The following PRSS3 variants were observed in gnomAD, a reference collection of about 807,000 sequenced individuals.
The protein encoded by PRSS3 is trypsin-3.
Under a neutral mutation model 20.8 loss-of-function variants are expected in PRSS3, and 14 were observed. That is an observed-to-expected ratio of 0.67 (90% CI 0.44 to 1.05). The LOEUF is 1.05. PRSS3 is among the 50% of genes least tolerant of loss of function. PRSS3 has a pLI of 0.00. For synonymous variants in PRSS3, 91 were observed against 117.6 expected (o/e 0.77, Z 1.46); for missense variants, 237 against 306.4 (o/e 0.77, Z 1.69).
intron 1 of PRSS3, among the ~76,000 whole-genome samples, chr9:33,772,535 A>T (rs541151998): frequency 2.0e-5 from 3 of 152,262 alleles, no homozygotes; most frequent in South Asian, 4.2e-4. Context: ...GATACAAAGA[A>T]TTTTAATTAT....
upstream of PRSS3, chr9:33,795,546 C>A (rs944164960): frequency 6.2e-7 from 1 of 1,613,852 alleles, no homozygotes; most frequent in South Asian, 1.1e-5. Context: ...ACAGGCCTTC[C>A]ACCACCAGTC....
At chr9:33,766,110 TA>T (rs1203074513) in intron 1 of PRSS3, among the ~76,000 whole-genome samples, 2 of 150,398 alleles carry the variant, frequency 1.3e-5, no homozygotes, top group African/African-American at 4.9e-5. Flanking sequence ...ACTATAAATA[TA>T]AAAATTAACC....
intron 1 of PRSS3, among the ~76,000 whole-genome samples, chr9:33,755,809 C>A (rs922758068): frequency 6.6e-6 from 1 of 152,096 alleles, no homozygotes; most frequent in Non-Finnish European, 1.5e-5. Flanking sequence ...TTGCATGGAG[C>A]TGTTGAGTGG....
intron 1 of PRSS3, among the ~76,000 whole-genome samples, chr9:33,766,262 T>TAAA (rs1823410222): frequency 1.1e-4 from 1 of 9,258 alleles, no homozygotes; most frequent in Non-Finnish European, 1.9e-4. Flanking sequence ...AGATTCCGTC[T>TAAA]CAAAAAAAAA....
chr9:33,789,685 A>G (rs1824550963), intron 1 of PRSS3, among the ~76,000 whole-genome samples: 1 of 152,128 alleles, frequency 6.6e-6, no homozygotes, highest in Non-Finnish European at 1.5e-5. Flanking sequence ...GTGCTAGCTT[A>G]CCTTCCTGCT....
chr9:33,798,116 C>A lies in PRSS3; in HGVS notation c.454+34C>A, dbSNP rs754866839. The A allele has an allele frequency of 8.1e-6, 13 of 1,614,022 alleles. No individual in the cohort carries two copies. In the African/African-American group the frequency reaches 1.6e-4, roughly 20 times the overall value. ...GACCCTTTGTCCTTCTACTTCCCCC[C>A]ATCCTCACAATTTCCAGAACGAAGC... On this transcript the variant is annotated intron_variant, in intron 3 of 4. Coordinates refer to ENST00000379405, the MANE Select transcript of PRSS3 (RefSeq NM_002771.4).
chr9:33,783,591 C>T lies in PRSS3; in HGVS notation c.-52-11155C>T, dbSNP rs780914920. ...GCTTCTATAGATGTTTGAAAATTCT[C>T]ATAATAAAATGGAAAATAATGGCAC... On this transcript the variant is annotated intron_variant, in intron 1 of 5. Coordinates refer to the PRSS3 transcript ENST00000342836. 3.9e-5 allele frequency among the ~76,000 whole-genome samples: 6 copies of T among 152,080 alleles called. No homozygotes were observed. The South Asian group carries it at 1.2e-3, about 31-fold the overall frequency.
At chr9:33,771,914 C>G (rs1184744121) in intron 1 of PRSS3, among the ~76,000 whole-genome samples, 1 of 148,252 alleles carries the variant, frequency 6.7e-6, no homozygotes, top group Non-Finnish European at 1.5e-5. Flanking sequence ...CTTTATCACC[C>G]AGGCTATAGT....
At chr9:33,786,932 A>G (rs1824437636) in intron 1 of PRSS3, 2 of 598,600 alleles carry the variant, frequency 3.3e-6, no homozygotes, top group Non-Finnish European at 6.0e-6. Context: ...GGGACAGAAG[A>G]GGAAACCACA....
At chr9:33,788,296 C>A (rs1824493689) in intron 1 of PRSS3, among the ~76,000 whole-genome samples, 1 of 152,224 alleles carries the variant, frequency 6.6e-6, no homozygotes, top group South Asian at 2.1e-4. Flanking sequence ...CATACTCTTA[C>A]CAGCCAACGA....
intron 1 of PRSS3, among the ~76,000 whole-genome samples, chr9:33,787,144 T>G (rs964022526): frequency 3.9e-5 from 6 of 152,212 alleles, no homozygotes; most frequent in Non-Finnish European, 5.9e-5. Flanking sequence ...AGATACAGTT[T>G]CCTTCAAGTG....
At chr9:33,772,636 C>T (rs1823759461) in intron 1 of PRSS3, among the ~76,000 whole-genome samples, 1 of 152,066 alleles carries the variant, frequency 6.6e-6, no homozygotes, top group African/African-American at 2.4e-5. Context: ...CATGAAAAAC[C>T]TTCTAGGACA....
chr9:33,796,889 T>C (rs1824982809), intron 2 of PRSS3, 87 bp downstream of exon 2: 1 of 1,608,502 alleles, frequency 6.2e-7, no homozygotes, highest in African/African-American at 1.3e-5. Context: ...TGAGGTTGGG[T>C]AAGACGGATG....
At chr9:33,773,461 A>G (rs1239319530) in intron 1 of PRSS3, among the ~76,000 whole-genome samples, 1 of 152,218 alleles carries the variant, frequency 6.6e-6, no homozygotes. Context: ...TGAAAAAGCT[A>G]TGCATCTATG....
intron 1 of PRSS3, among the ~76,000 whole-genome samples, chr9:33,759,096 G>C (rs971103794): frequency 1.3e-5 from 2 of 152,122 alleles, no homozygotes; most frequent in Admixed American, 6.5e-5. Flanking sequence ...AACCAAGTAA[G>C]AGGAATGAAA....
chr9:33,762,677 C>A (rs1404244080), intron 1 of PRSS3, among the ~76,000 whole-genome samples: 2 of 152,186 alleles, frequency 1.3e-5, no homozygotes, highest in African/African-American at 2.4e-5. Flanking sequence ...TCCTTACTGA[C>A]CAAACACATG....
chr9:33,764,002 G>A (rs981028035), intron 1 of PRSS3, among the ~76,000 whole-genome samples: 1 of 152,096 alleles, frequency 6.6e-6, no homozygotes, highest in Non-Finnish European at 1.5e-5. Context: ...ATTTTTATGT[G>A]AATCATAATA....
At chr9:33,795,507 C>CCT, upstream of PRSS3, 1 of 1,596,830 alleles carries the variant, frequency 6.3e-7, no homozygotes. Context: ...ACAGACACCT[C>CCT]CTCTCCTGAT....
Position 33,798,533 on chromosome 9 carries a change from C to G in PRSS3, c.502C>G (p.Gln168Glu), listed in dbSNP as rs772392993. 57 of 1,614,038 alleles carry G rather than the reference C, an allele frequency of 3.5e-5. No individual in the cohort carries two copies. The highest frequency in any genetic ancestry group is 4.8e-5 in the Non-Finnish European group (57 of 1,180,030). ...LKCLDAPVLT[Q>E]AECKASYPGK... ...GTGCCTGGATGCTCCGGTGCTGACC[C>G]AGGCTGAGTGTAAAGCCTCCTACCC... Residue 168 changes from glutamine (Q) to glutamate (E), a missense_variant, in exon 4 of 5, where the codon CAG (glutamine) becomes GAG (glutamate). Coordinates refer to ENST00000379405, the MANE Select transcript of PRSS3 (RefSeq NM_002771.4).
Sources: gnomAD v4.1 joint callset for allele counts (sites outside exome capture counted in the v4.1 genomes callset) on GRCh38, gnomAD v4.1.1 for gene constraint, MANE v1.5 for transcripts, NCBI Gene and HGNC (gene_info 2026-07-23, HGNC 2026-07-21) for gene names.